WASF2: variants seen among roughly 807,000 people sequenced by gnomAD.
WASF2 encodes the protein actin-binding protein WASF2.
Under a neutral mutation model 45.0 loss-of-function variants are expected in WASF2, and 14 were observed. The ratio of observed to expected loss-of-function variants is 0.31; its 90% CI spans 0.21 to 0.49. The LOEUF is 0.49. Among genes scored for constraint, WASF2 ranks in the 20% least tolerant of loss-of-function variants. The pLI is 0.99. For missense variants in WASF2, 439 were observed against 636.1 expected, an observed-to-expected ratio of 0.69 and a Z score of 3.33; for synonymous variants, 200 against 236.3, an observed-to-expected ratio of 0.85 and a Z score of 1.41.
intron 1 of WASF2, among the ~76,000 whole-genome samples, chr1:27,445,387 C>A (rs190297280): frequency 6.6e-6 from 1 of 152,296 alleles, no homozygotes; most frequent in Non-Finnish European, 1.5e-5. Flanking sequence ...TTCCATGACA[C>A]CACACTGACT....
chr1:27,489,792 G>A (rs1172492048), intron 1 of WASF2, among the ~76,000 whole-genome samples, 194 bp downstream of exon 1: 1 of 152,152 alleles, frequency 6.6e-6, no homozygotes, highest in East Asian at 1.9e-4. Context: ...GGGACTTCGG[G>A]TCACTCCCTC....
intron 7 of WASF2, among the ~76,000 whole-genome samples, chr1:27,412,090 C>T (rs2016769287): frequency 6.6e-6 from 1 of 152,160 alleles, no homozygotes; most frequent in African/African-American, 2.4e-5. Flanking sequence ...AGTAACAGTG[C>T]CTACCTCAAA....
chr1:27,468,754 T>C (rs1571158955), intron 1 of WASF2, among the ~76,000 whole-genome samples: 1 of 146,582 alleles, frequency 6.8e-6, no homozygotes, highest in Non-Finnish European at 1.5e-5. Flanking sequence ...CCAAGGAGGG[T>C]AGATCACCTG....
At chr1:27,487,025 T>A (rs1204289060) in intron 1 of WASF2, among the ~76,000 whole-genome samples, 1 of 146,462 alleles carries the variant, frequency 6.8e-6, no homozygotes, top group Non-Finnish European at 1.5e-5. Context: ...TATATATAAA[T>A]TTTATATATA....
intron 3 of WASF2, 67 bp downstream of exon 3, chr1:27,418,887 A>G (rs2016862828): frequency 1.3e-6 from 2 of 1,544,372 alleles, no homozygotes; most frequent in Admixed American, 2.2e-5. Context: ...TTTTAAATAA[A>G]TCAGGGAAAA....
intron 1 of WASF2, among the ~76,000 whole-genome samples, chr1:27,467,337 G>A: frequency 6.9e-6 from 1 of 145,488 alleles, no homozygotes. Flanking sequence ...TTTTTGAGAT[G>A]GTGTCCAGGC....
Position 27,414,864 on chromosome 1 carries a change from C to T in WASF2, c.637G>A (p.Val213Met), listed in dbSNP as rs1382147943. 1.2e-6 allele frequency: 2 copies of T among 1,614,194 alleles called. No homozygotes were observed. Among genetic ancestry groups the T allele is most frequent in the Non-Finnish European group, 1.7e-6 (2 of 1,180,024 alleles). Residue 213 changes from valine (V) to methionine (M), a missense_variant, in exon 6 of 9, where the codon GTG (valine) becomes ATG (methionine). Around this residue, in one of 5 missense-constraint regions of WASF2, gnomAD observed 23 missense variants for 69.7 expected, o/e 0.33. Transcript: ENST00000618852. This position sits in a 1 kb window ranked among gnomAD's most constrained non-coding sequence, Gnocchi z 4.1. ...GTCCCCAGCTTTTCTTTGGACTCCA[C>T]AAATTCTTGCCCCATCTTCATTTTC... Reference protein sequence around the residue: ...WEKMKMGQEFVESKEKLGTSG... With the variant: ...WEKMKMGQEFMESKEKLGTSG...
chr1:27,419,079 G>C lies in WASF2; in HGVS notation c.140C>G (p.Ala47Gly). 1 of 1,613,736 alleles carries C rather than the reference G, an allele frequency of 6.2e-7. No individual in the cohort carries two copies. ...AAAGAGCTCTCCAAAAATGTCCTCTGCATATTTACCTGGAAAGAGCAAAGA... is the reference window on the plus strand; with the variant it reads ...AAAGAGCTCTCCAAAAATGTCCTCTCCATATTTACCTGGAAAGAGCAAAGA... ...IRQLGSLSKY[A>G]EDIFGELFTQ... Residue 47 changes from alanine (A) to glycine (G), a missense_variant, in exon 3 of 9, where the codon GCA becomes GGA. Ala to Gly is a moderately conservative substitution (Grantham distance 60). This residue lies in a region of WASF2 where 16 missense variants were observed against 51.1 expected (regional missense o/e 0.31). Transcript: ENST00000618852.
chr1:27,454,155 A>G (rs201353239), intron 1 of WASF2, among the ~76,000 whole-genome samples: 43 of 97,102 alleles, frequency 4.4e-4, no homozygotes, highest in South Asian at 2.1e-3. Context: ...GTGTGTGTGT[A>G]TATATATATA....
At chr1:27,489,820 G>C (rs976346883) in intron 1 of WASF2, among the ~76,000 whole-genome samples, 166 bp downstream of exon 1, 1 of 152,158 alleles carries the variant, frequency 6.6e-6, no homozygotes, top group African/African-American at 2.4e-5. Flanking sequence ...GAGGGGGTGG[G>C]GTGGACTAAG....
intron 1 of WASF2, among the ~76,000 whole-genome samples, chr1:27,485,134 G>C (rs1231533640): frequency 6.6e-6 from 1 of 151,830 alleles, no homozygotes; most frequent in Non-Finnish European, 1.5e-5. Context: ...TGGGCAATAA[G>C]AGCGAAACTT....
chr1:27,414,216 T>C lies in WASF2; in HGVS notation c.668+617A>G, dbSNP rs561972686. On this transcript the variant is annotated intron_variant, in intron 6 of 8. Coordinates refer to ENST00000618852, the MANE Select transcript of WASF2 (RefSeq NM_006990.5). This position sits in a 1 kb window ranked among gnomAD's most constrained non-coding sequence, Gnocchi z 4.1. ...AAACCAAGCTTTAAAACCATCTTTT[T>C]CCCCCTTTAAACCTCCAGTGTGATT... Among the ~76,000 whole-genome samples the C allele has an allele frequency of 1.2e-4, 18 of 152,296 alleles. No individual in the cohort carries two copies. The highest frequency in any genetic ancestry group is 3.4e-3 in the Middle Eastern group (1 of 294).
At chr1:27,436,029 A>G (rs534214373) in intron 1 of WASF2, among the ~76,000 whole-genome samples, 1 of 152,334 alleles carries the variant, frequency 6.6e-6, no homozygotes, top group African/African-American at 2.4e-5. Context: ...ATGTGTGGCA[A>G]TTAGGACTTC....
intron 2 of WASF2, among the ~76,000 whole-genome samples, chr1:27,421,388 T>C (rs2016906167): frequency 5.3e-5 from 8 of 152,118 alleles, no homozygotes; most frequent in Admixed American, 5.2e-4. Flanking sequence ...CTGTTAAAAA[T>C]AAAAGAAGGC....
chr1:27,406,247 T>G lies in WASF2; in HGVS notation c.*1942A>C, dbSNP rs1303196024. 2 of 152,480 alleles carry G rather than the reference T, an allele frequency of 1.3e-5. No homozygotes were observed. Among genetic ancestry groups the G allele is most frequent in the African/African-American group, 4.8e-5 (2 of 41,430 alleles). The allele number at this position is 152,480 out of a possible 1,614,324, so 9.4% of individuals were successfully genotyped here. Reference sequence around the variant, plus strand: ...CTGGGAAACAAGGTGGGGGCCCACATAGCCTGGTGTCTCAGCATGGAGCTT... The same window carrying G: ...CTGGGAAACAAGGTGGGGGCCCACAGAGCCTGGTGTCTCAGCATGGAGCTT... On this transcript the variant is annotated 3_prime_UTR_variant, in exon 9 of 9. Coordinates refer to ENST00000618852, the MANE Select transcript of WASF2 (RefSeq NM_006990.5).
In WASF2 at chr1:27,408,098, C is replaced by T; in HGVS notation, c.*91G>A. 5 of 1,475,764 alleles carry T rather than the reference C, an allele frequency of 3.4e-6. No individual in the cohort carries two copies. The highest frequency in any genetic ancestry group is 2.3e-5 in the Admixed American group (1 of 43,534). The allele number at this position is 1,475,764 out of a possible 1,614,324, so 91.4% of individuals were successfully genotyped here. Reference sequence around the variant, plus strand: ...GCCCCTTAAAATTACTTTTTTCCTCCCTTTTCTCCCCCTACGGGTCTGTTG... The same window carrying T: ...GCCCCTTAAAATTACTTTTTTCCTCTCTTTTCTCCCCCTACGGGTCTGTTG... On this transcript the variant is annotated 3_prime_UTR_variant, in exon 9 of 9. Transcript: ENST00000618852.
At position 27,414,712 on chromosome 1, in the gene WASF2, TA is replaced by T; in HGVS notation, c.668+120del. On this transcript the variant is annotated intron_variant, in intron 6 of 8. Transcript: ENST00000618852. This position sits in a 1 kb window ranked among gnomAD's most constrained non-coding sequence, Gnocchi z 4.1. Reference sequence around the variant, plus strand: ...CTTTAAAGTAGCTGATTAACAGTGGTATTGATCTAAGCCACAGAGACAGACT... The same window carrying T: ...CTTTAAAGTAGCTGATTAACAGTGGTTTGATCTAAGCCACAGAGACAGACT... 1 of 1,311,136 alleles carries T rather than the reference TA, an allele frequency of 7.6e-7. No individual in the cohort carries two copies. The highest frequency in any genetic ancestry group is 1.5e-5 in the South Asian group (1 of 65,466). 81.2% of individuals were successfully genotyped at this position (1,311,136 alleles called of 1,614,324 possible). A position where few individuals can be genotyped will look rare whatever the true frequency, so the allele number is the denominator to read the frequency against.
chr1:27,451,323 G>T (rs531917884), intron 1 of WASF2, among the ~76,000 whole-genome samples: 6 of 152,270 alleles, frequency 3.9e-5, no homozygotes, highest in African/African-American at 1.4e-4. Flanking sequence ...GTTAAGAAAA[G>T]GTGTCTTAAA....
chr1:27,474,253 T>C (rs904858085), intron 1 of WASF2, among the ~76,000 whole-genome samples: 3 of 152,016 alleles, frequency 2.0e-5, no homozygotes, highest in African/African-American at 7.3e-5. Flanking sequence ...GTATGCTTGA[T>C]ATTTTTTCAT....
Sources: gnomAD v4.1 joint callset for allele counts (sites outside exome capture counted in the v4.1 genomes callset) on GRCh38, gnomAD v4.1.1 for gene constraint, gnomAD v4.1.1 regional missense constraint, Gnocchi (gnomAD v3.1) non-coding constraint, MANE v1.5 for transcripts, NCBI Gene and HGNC (gene_info 2026-07-23, HGNC 2026-07-21) for gene names.